NBAS: variants seen among roughly 807,000 people sequenced by gnomAD.
NBAS encodes NBAS subunit of NRZ tethering complex, also known as NAG/BC035112 fusion.
NBAS carries 219 observed loss-of-function variants against 302.5 expected under a neutral mutation model. The observed-to-expected ratio is 0.72, with a 90% confidence interval of 0.65 to 0.81. The LOEUF is 0.81. Among genes scored for constraint, NBAS ranks in the 30% least tolerant of loss-of-function variants. NBAS has a pLI of 0.00. For missense variants in NBAS, 2,932 were observed against 2,841.6 expected (o/e 1.03, Z -0.72); for synonymous variants, 1,118 against 1,021.6 (o/e 1.09, Z -1.80).
chr2:14,922,828 C>T, the NBAS span, among the ~76,000 whole-genome samples: 1 of 152,150 alleles, frequency 6.6e-6, no homozygotes, highest in South Asian at 2.1e-4. Context: ...AAGTTGGCCG[C>T]CATTTTACTT....
At chr2:14,949,414 A>T in the NBAS span, among the ~76,000 whole-genome samples, 3 of 152,198 alleles carry the variant, frequency 2.0e-5, no homozygotes, top group Non-Finnish European at 2.9e-5. Flanking sequence ...ACATAATTTT[A>T]AAATGGGCAA....
intron 40 of NBAS, among the ~76,000 whole-genome samples, chr2:15,302,747 G>C (rs1433522645): frequency 6.6e-6 from 1 of 152,206 alleles, no homozygotes; most frequent in Non-Finnish European, 1.5e-5. Context: ...TGCCAAAGAA[G>C]GTTAACATTT....
intron 7 of NBAS, 78 bp from the exon 8 acceptor site, chr2:15,536,629 T>G: frequency 1.8e-5 from 21 of 1,149,046 alleles, no homozygotes; most frequent in East Asian, 2.3e-5. Context: ...TTAGAGAATA[T>G]CTGATACACT....
chr2:15,460,211 G>A (rs866883574), intron 21 of NBAS, among the ~76,000 whole-genome samples: 56 of 152,120 alleles, frequency 3.7e-4, no homozygotes, highest in Admixed American at 3.3e-3. Context: ...TATCTTAACA[G>A]TGTACTACAA....
At chr2:14,992,121 CA>C in the NBAS span, among the ~76,000 whole-genome samples, 4 of 152,166 alleles carry the variant, frequency 2.6e-5, no homozygotes, top group Non-Finnish European at 1.5e-5. Flanking sequence ...TTTCATGTTT[CA>C]GGAGGAGGTC....
At chr2:15,553,616 A>G in intron 4 of NBAS, 143 bp from the exon 5 acceptor site, 1 of 786,176 alleles carries the variant, frequency 1.3e-6, no homozygotes, top group Non-Finnish European at 2.2e-6. Context: ...TGACCTTACA[A>G]TTAGATGAGG....
chr2:14,808,614 T>C, the NBAS span, among the ~76,000 whole-genome samples: 1 of 152,208 alleles, frequency 6.6e-6, no homozygotes, highest in African/African-American at 2.4e-5. Flanking sequence ...TCGCCAGCCA[T>C]GTGGAACTGA....
At chr2:15,435,901 T>C (rs538717764) in intron 21 of NBAS, among the ~76,000 whole-genome samples, 12 of 152,330 alleles carry the variant, frequency 7.9e-5, no homozygotes, top group African/African-American at 2.9e-4. Flanking sequence ...CCCCTTTGTG[T>C]CCATCACAAC....
the NBAS span, among the ~76,000 whole-genome samples, chr2:15,006,559 T>C: frequency 6.6e-6 from 1 of 152,216 alleles, no homozygotes; most frequent in East Asian, 1.9e-4. Context: ...GCGTAAAATA[T>C]GAAGGATTCC....
intron 11 of NBAS, among the ~76,000 whole-genome samples, chr2:15,497,610 C>T (rs1243311072): frequency 6.6e-6 from 1 of 152,068 alleles, no homozygotes; most frequent in East Asian, 1.9e-4. Flanking sequence ...ATTTAAAATG[C>T]CTGAAGGCTA....
the NBAS span, among the ~76,000 whole-genome samples, chr2:15,128,441 C>T: frequency 3.9e-5 from 6 of 152,168 alleles, no homozygotes; most frequent in Non-Finnish European, 8.8e-5. Context: ...TTCTTAAACA[C>T]AGCAATCACA....
At chr2:14,990,797 C>T in the NBAS span, among the ~76,000 whole-genome samples, 3 of 152,294 alleles carry the variant, frequency 2.0e-5, no homozygotes, top group South Asian at 6.2e-4. Flanking sequence ...AACATATATA[C>T]TGAGGACATC....
At chr2:15,489,315 A>AT (rs1304393301) in intron 11 of NBAS, among the ~76,000 whole-genome samples, 1 of 152,186 alleles carries the variant, frequency 6.6e-6, no homozygotes, top group Non-Finnish European at 1.5e-5. Context: ...ATTTCTTCAC[A>AT]TATCAATTAC....
At position 15,218,824 on chromosome 2, in the gene NBAS, G is replaced by T. The variant is rs761384612; in HGVS notation, c.6381C>A (p.Leu2127=). Residue 2127 remains leucine, a synonymous_variant, in exon 48 of 52, where the codon CTC becomes CTA. Transcript: ENST00000281513. ...GAATGGCTTCAGTTCTAAAGAACAC[G>T]AGGAGCTTGCTGTCCTCCTCAGTCA... The part of the protein sequence containing the change: ...FHLTEEDSKL[L]VFFRTEAILK... 1 of 1,614,248 alleles carries T rather than the reference G, an allele frequency of 6.2e-7. No homozygotes were observed. Among genetic ancestry groups the T allele is most frequent in the Non-Finnish European group, 8.5e-7 (1 of 1,180,046 alleles).
the NBAS span, among the ~76,000 whole-genome samples, chr2:14,997,450 C>G: frequency 3.0e-5 from 4 of 132,752 alleles, no homozygotes; most frequent in Admixed American, 1.5e-4. Context: ...AGGCCCTGTG[C>G]TTGTTTTTTT....
At chr2:15,209,877 G>A (rs569840785) in intron 48 of NBAS, among the ~76,000 whole-genome samples, 1 of 152,234 alleles carries the variant, frequency 6.6e-6, no homozygotes, top group South Asian at 2.1e-4. Context: ...TTGGAGAAAG[G>A]ACAGCCTCTT....
At chr2:15,412,222 T>C (rs1413454302) in intron 25 of NBAS, among the ~76,000 whole-genome samples, 1 of 152,158 alleles carries the variant, frequency 6.6e-6, no homozygotes, top group Non-Finnish European at 1.5e-5. Context: ...CCCTGCCCCA[T>C]TAACATCAAG....
chr2:15,401,687 A>C (rs1305906051), intron 26 of NBAS, among the ~76,000 whole-genome samples: 48 of 152,200 alleles, frequency 3.2e-4, no homozygotes, highest in Admixed American at 3.1e-3. Context: ...AAATAATCCA[A>C]AAGCATATTA....
chr2:15,049,333 C>T, the NBAS span, among the ~76,000 whole-genome samples: 2 of 152,214 alleles, frequency 1.3e-5, no homozygotes, highest in Admixed American at 6.5e-5. Context: ...CATGCCACCA[C>T]CTGCTGGGCT....
Sources: gnomAD v4.1 joint callset for allele counts (sites outside exome capture counted in the v4.1 genomes callset) on GRCh38, gnomAD v4.1.1 for gene constraint, MANE v1.5 for transcripts, NCBI Gene and HGNC (gene_info 2026-07-23, HGNC 2026-07-21) for gene names.